SLC16A2: variants seen among roughly 807,000 people sequenced by gnomAD.
The protein encoded by SLC16A2 is solute carrier family 16 member 2.
Under a neutral mutation model 27.2 loss-of-function variants are expected in SLC16A2, and 3 were observed. The ratio of observed to expected loss-of-function variants is 0.11; its 90% CI spans 0.05 to 0.28. The LOEUF is 0.28. Ranked by LOEUF, SLC16A2 falls within the 10% of genes least tolerant of loss-of-function variation. The pLI is 1.00. For missense variants in SLC16A2, 295 were observed against 458.5 expected (o/e 0.64, Z 3.26); for synonymous variants, 202 against 187.8 (o/e 1.08, Z -0.62).
chrX:74,466,367 A>T (rs1369527126), intron 1 of SLC16A2, among the ~76,000 whole-genome samples: 2 of 111,018 alleles, frequency 1.8e-5, no homozygotes, highest in African/African-American at 6.6e-5. Context: ...CCCTCAGTAT[A>T]TGTGGGAGAT....
chrX:74,502,967 T>C (rs899355843), intron 1 of SLC16A2, among the ~76,000 whole-genome samples: 2 of 109,796 alleles, frequency 1.8e-5, no homozygotes, highest in Non-Finnish European at 3.8e-5. Context: ...CATTACTCCA[T>C]AGCTACTACA....
Position 74,500,514 on chromosome X carries a change from A to C in SLC16A2, c.431-20476A>C, listed in dbSNP as rs1335605684. ...TGCACCCATCACCCAAGCAGTATAC[A>C]CTGCACCATATTTATAGTCTTTTAT... is the stretch of plus-strand genomic sequence containing the variant. On this transcript the variant is annotated intron_variant, in intron 1 of 5. Transcript: ENST00000587091. Among the ~76,000 whole-genome samples the C allele has an allele frequency of 4.5e-5, 5 of 111,282 alleles. No homozygotes were observed. The South Asian group carries it at 1.9e-3, about 43-fold the overall frequency.
intron 1 of SLC16A2, among the ~76,000 whole-genome samples, chrX:74,460,770 C>G (rs1168012303): frequency 1.8e-5 from 2 of 111,611 alleles, no homozygotes. Context: ...CCTGCCTCAG[C>G]CTCCTGAGTA....
At chrX:74,481,303 G>A (rs775039212) in intron 1 of SLC16A2, among the ~76,000 whole-genome samples, 11 of 111,529 alleles carry the variant, frequency 9.9e-5, no homozygotes, top group Admixed American at 2.9e-4. Context: ...CTAAATATTC[G>A]GTAAAATTCA....
intron 1 of SLC16A2, among the ~76,000 whole-genome samples, chrX:74,504,409 C>T (rs1421879160): frequency 9.1e-6 from 1 of 109,555 alleles, no homozygotes; most frequent in Non-Finnish European, 1.9e-5. Context: ...ACCCCTACTA[C>T]AGAGGCACCT....
intron 1 of SLC16A2, among the ~76,000 whole-genome samples, chrX:74,475,647 T>C (rs1444522294): frequency 8.9e-6 from 1 of 112,081 alleles, no homozygotes; most frequent in Admixed American, 9.5e-5. Flanking sequence ...CATCTTGAAT[T>C]AATTTTAGTA....
At chrX:74,502,691 A>T (rs986433952) in intron 1 of SLC16A2, among the ~76,000 whole-genome samples, 10 of 112,284 alleles carry the variant, frequency 8.9e-5, no homozygotes, top group African/African-American at 3.2e-4. Flanking sequence ...TACACTAGAG[A>T]TCTTTTGTGA....
At chrX:74,458,599 C>T (rs1174945597) in intron 1 of SLC16A2, among the ~76,000 whole-genome samples, 2 of 111,719 alleles carry the variant, frequency 1.8e-5, no homozygotes, top group Non-Finnish European at 3.8e-5. Context: ...CCACCCGCCT[C>T]TGCCTCCCAA....
intron 1 of SLC16A2, among the ~76,000 whole-genome samples, chrX:74,447,443 T>G (rs961970609): frequency 9.0e-6 from 1 of 110,574 alleles, no homozygotes; most frequent in African/African-American, 3.3e-5. Context: ...GAGGCTGAGG[T>G]GGGAGGATCA....
chrX:74,506,413 C>T (rs539279220), intron 1 of SLC16A2, among the ~76,000 whole-genome samples: 1 of 111,400 alleles, frequency 9.0e-6, no homozygotes, highest in African/African-American at 3.3e-5. Context: ...TGATATGGGG[C>T]AGGGAGCCTG....
chrX:74,478,103 T>C (rs1929525109), intron 1 of SLC16A2, among the ~76,000 whole-genome samples: 1 of 111,654 alleles, frequency 9.0e-6, no homozygotes, highest in African/African-American at 3.3e-5. Flanking sequence ...AGTCTCCCCT[T>C]GTTATTGTGT....
chrX:74,499,475 A>C (rs1160275551), intron 1 of SLC16A2, among the ~76,000 whole-genome samples: 1 of 97,235 alleles, frequency 1.0e-5, no homozygotes, highest in Non-Finnish European at 2.0e-5. Context: ...TTTTTTCCAG[A>C]TAGAGTTTCA....
At chrX:74,474,600 G>C (rs1299858097) in intron 1 of SLC16A2, among the ~76,000 whole-genome samples, 1 of 109,509 alleles carries the variant, frequency 9.1e-6, no homozygotes, top group Non-Finnish European at 1.9e-5. Context: ...TTTAACATTA[G>C]GTATATCTCC....
chrX:74,466,560 T>C (rs1266402252), intron 1 of SLC16A2, among the ~76,000 whole-genome samples: 2 of 112,416 alleles, frequency 1.8e-5, no homozygotes, highest in African/African-American at 6.5e-5. Context: ...TTATACTATA[T>C]TGTTTAAGGA....
chrX:74,499,662 C>T (rs1945453591), intron 1 of SLC16A2, among the ~76,000 whole-genome samples: 2 of 110,661 alleles, frequency 1.8e-5, no homozygotes, highest in Admixed American at 1.9e-4. Flanking sequence ...CCATGTTGGC[C>T]GGGCTAGTCT....
In SLC16A2 at chrX:74,520,892, G is replaced by A; in HGVS notation, c.431-98G>A. 4 of 972,200 alleles carry A rather than the reference G, an allele frequency of 4.1e-6. No homozygotes were observed. The Admixed American group carries it at 8.8e-5, about 21-fold the overall frequency. The allele number at this position is 972,200 out of a possible 1,213,427, so 80.1% of individuals were successfully genotyped here. On this transcript the variant is annotated intron_variant, in intron 1 of 5. Transcript: ENST00000587091. ...AGCTGGCAATGCAGACCAATGCAAT[G>A]CCCCCTGTGAAAGGCCAGAGAAGAA...
At chrX:74,429,937 C>T (rs1442257841) in intron 1 of SLC16A2, among the ~76,000 whole-genome samples, 1 of 111,898 alleles carries the variant, frequency 8.9e-6, no homozygotes, top group Non-Finnish European at 1.9e-5. Flanking sequence ...GCCTTCCCTG[C>T]TACTGGGAAA....
chrX:74,457,634 G>A (rs1929060464), intron 1 of SLC16A2, among the ~76,000 whole-genome samples: 1 of 111,493 alleles, frequency 9.0e-6, no homozygotes, highest in African/African-American at 3.3e-5. Flanking sequence ...CCTGCCTCCA[G>A]TAGGCACAAA....
At chrX:74,482,640 A>C (rs1929642132) in intron 1 of SLC16A2, among the ~76,000 whole-genome samples, 1 of 111,305 alleles carries the variant, frequency 9.0e-6, no homozygotes, top group African/African-American at 3.3e-5. Context: ...AGACATTCTT[A>C]GTTTAGATCT....
Sources: gnomAD v4.1 joint callset for allele counts (sites outside exome capture counted in the v4.1 genomes callset) on GRCh38, gnomAD v4.1.1 for gene constraint, MANE v1.5 for transcripts, NCBI Gene and HGNC (gene_info 2026-07-23, HGNC 2026-07-21) for gene names.